The following INCENP variants were observed in gnomAD, a reference collection of about 807,000 sequenced individuals.
INCENP encodes binds and activates aurora-B and -C in vivo and in vitro.
Under a neutral mutation model 107.3 loss-of-function variants are expected in INCENP, and 43 were observed. The observed-to-expected ratio is 0.40, with a 90% CI of 0.31 to 0.52. The LOEUF (loss-of-function observed/expected upper bound fraction) is 0.52, where lower values mean the gene tolerates loss of function less well. Ranked by LOEUF, INCENP falls within the 20% of genes least tolerant of loss-of-function variation. The pLI, the probability that INCENP is intolerant of heterozygous loss-of-function variation, is 0.53. For missense variants in INCENP, 1,089 were observed against 1,250.9 expected (o/e 0.87, Z 1.95); for synonymous variants, 488 against 494.4 (o/e 0.99, Z 0.17).
chr11:62,141,747 AG>A (rs1944128196), intron 11 of INCENP: 2 of 611,396 alleles, frequency 3.3e-6, no homozygotes, highest in South Asian at 1.9e-5. Context: ...GGAGGAAGCA[AG>A]GGGGTGTGGC....
At chr11:62,128,926 C>A in intron 3 of INCENP, 43 bp downstream of exon 3, 1 of 1,310,080 alleles carries the variant, frequency 7.6e-7, no homozygotes, top group Non-Finnish European at 1.1e-6. Context: ...GTGGGCTCTG[C>A]GGAGGCTTGG....
intron 1 of INCENP, among the ~76,000 whole-genome samples, chr11:62,127,122 C>T (rs1943769035): frequency 6.6e-6 from 1 of 151,822 alleles, no homozygotes; most frequent in Non-Finnish European, 1.5e-5. Context: ...CTGCAACCTC[C>T]ACTTCCTTAG....
chr11:62,136,011 G>GTGTTAGCCAGGA (rs1369836233), intron 4 of INCENP, among the ~76,000 whole-genome samples: 1 of 151,740 alleles, frequency 6.6e-6, no homozygotes, highest in Non-Finnish European at 1.5e-5. Flanking sequence ...GGGTTTCACC[G>GTGTTAGCCAGGA]TGGTCTCGAT....
At chr11:62,126,223 T>G (rs1943746632) in intron 1 of INCENP, among the ~76,000 whole-genome samples, 2 of 129,868 alleles carry the variant, frequency 1.5e-5, no homozygotes, top group African/African-American at 3.1e-5. Flanking sequence ...TGAGATAGAG[T>G]CTCCCTCTGT....
intron 4 of INCENP, among the ~76,000 whole-genome samples, chr11:62,134,032 C>T (rs1943942368): frequency 6.6e-6 from 1 of 152,174 alleles, no homozygotes; most frequent in South Asian, 2.1e-4. Context: ...TTTTTCCTGC[C>T]TCATGGCCTT....
chr11:62,142,027 G>C (rs977638637), intron 11 of INCENP, among the ~76,000 whole-genome samples: 1 of 152,198 alleles, frequency 6.6e-6, no homozygotes, highest in South Asian at 2.1e-4. Flanking sequence ...GGGTGGTAGC[G>C]TCTAGAAACA....
At position 62,142,742 on chromosome 11, in the gene INCENP, T is replaced by C. The variant is rs540662964; in HGVS notation, c.1605+1231T>C. ...GTCCCGATTTTGAAGATGGCAGTGC[T>C]GTTTGGACTTTTCCCGGGTGTGTGC... is the stretch of plus-strand genomic sequence containing the variant. On this transcript the variant is annotated intron_variant, in intron 11 of 18. Coordinates refer to ENST00000394818, the MANE Select transcript of INCENP (RefSeq NM_001040694.2). Among the ~76,000 whole-genome samples, 5 of 152,382 alleles carry C rather than the reference T, an allele frequency of 3.3e-5. No homozygotes were observed. In the South Asian group the frequency reaches 1.0e-3, roughly 32 times the overall value.
At chr11:62,145,814 G>A (rs1231379189) in intron 14 of INCENP, 63 bp downstream of exon 14, 20 of 1,502,900 alleles carry the variant, frequency 1.3e-5, no homozygotes, top group Non-Finnish European at 1.8e-5. Flanking sequence ...CAGCACCATG[G>A]GGCCCTACTG....
chr11:62,138,802 A>G (rs746912009), intron 6 of INCENP, 32 bp downstream of exon 6: 1 of 1,611,500 alleles, frequency 6.2e-7, no homozygotes, highest in Non-Finnish European at 8.5e-7. Context: ...GGGAGGACTC[A>G]CCTCTGGGGC....
At chr11:62,144,411 C>G (rs1017951645) in intron 11 of INCENP, among the ~76,000 whole-genome samples, 4 of 151,930 alleles carry the variant, frequency 2.6e-5, no homozygotes, top group Admixed American at 2.6e-4. Context: ...TAATACCATC[C>G]CTAATCCATC....
chr11:62,125,857 G>A (rs1208269457), intron 1 of INCENP, among the ~76,000 whole-genome samples: 2 of 152,250 alleles, frequency 1.3e-5, no homozygotes, highest in East Asian at 1.9e-4. Flanking sequence ...GGCAGGGACA[G>A]GCAGTAAGCA....
rs377419513 is a variant in INCENP at position 62,140,962 on chromosome 11, T to A, written c.1511T>A (p.Met504Lys). The A allele has an allele frequency of 1.2e-6, 2 of 1,614,112 alleles. No individual in the cohort carries two copies. Among genetic ancestry groups the A allele is most frequent in the South Asian group, 2.2e-5 (2 of 91,090 alleles). Reference protein sequence around the residue: ...TFLHTVQRNQMLMTPTSAPRS... With the variant: ...TFLHTVQRNQKLMTPTSAPRS... ...CTGCACACAGTGCAGAGGAACCAGATGCTCATGACCCCGACCTCAGCCCCA... is the reference window on the plus strand; with the variant it reads ...CTGCACACAGTGCAGAGGAACCAGAAGCTCATGACCCCGACCTCAGCCCCA... The change falls in exon 10 of 19, where the codon ATG (methionine) becomes AAG (lysine). Residue 504 changes from methionine (M) to lysine (K), a missense_variant. By Grantham distance (95) the Met-to-Lys change is moderately conservative. Coordinates refer to ENST00000394818, the MANE Select transcript of INCENP (RefSeq NM_001040694.2).
intron 4 of INCENP, among the ~76,000 whole-genome samples, chr11:62,134,687 T>A (rs1456778658): frequency 2.0e-5 from 3 of 152,250 alleles, no homozygotes; most frequent in Admixed American, 6.5e-5. Context: ...CAAATCTCTT[T>A]ATTGTATGAC....
Position 62,128,239 on chromosome 11 carries a change from G to A in INCENP, c.78G>A (p.Met26Ile), listed in dbSNP as rs1268531022. 1.2e-6 allele frequency: 2 copies of A among 1,614,190 alleles called. No homozygotes were observed. Among genetic ancestry groups the A allele is most frequent in the South Asian group, 2.2e-5 (2 of 91,086 alleles). ...AGCTCATGGAGTTTCTCTGCAACAT[G>A]GATAATAAGGACTTGGTGTGGCTTG... The part of the protein sequence containing the change: ...DQKLMEFLCN[M>I]DNKDLVWLEE... The change falls in exon 2 of 19, where the codon ATG becomes ATA. Residue 26 changes from methionine (M) to isoleucine (I), a missense_variant. Coordinates refer to ENST00000394818, the MANE Select transcript of INCENP (RefSeq NM_001040694.2).
chr11:62,137,975 G>A (rs543035215), intron 5 of INCENP, 92 bp downstream of exon 5: 2 of 1,179,678 alleles, frequency 1.7e-6, no homozygotes, highest in South Asian at 2.4e-5. Context: ...TTCCTGGGCT[G>A]AGTCTTCCCC....
intron 4 of INCENP, among the ~76,000 whole-genome samples, chr11:62,133,663 C>T (rs1666600621): frequency 6.6e-6 from 1 of 152,208 alleles, no homozygotes; most frequent in South Asian, 2.1e-4. Flanking sequence ...GGTGGGAGAG[C>T]CATGTAGTCA....
At chr11:62,136,542 G>A (rs961353935) in intron 4 of INCENP, among the ~76,000 whole-genome samples, 4 of 152,150 alleles carry the variant, frequency 2.6e-5, no homozygotes, top group African/African-American at 9.7e-5. Flanking sequence ...TTAGCTGGGT[G>A]TGATGGTACA....
In INCENP at chr11:62,130,496, T is replaced by C; in HGVS notation, c.969T>C (p.Ser323=). ...PSPQVLAQKY[S]LVAKQESVVR... ...CCCAAGTCTTAGCCCAGAAGTACTC[T>C]CTGGTGGCCAAACAGGAAAGTGTTG... Residue 323 remains serine, a synonymous_variant, in exon 4 of 19, where the codon TCT becomes TCC. Transcript: ENST00000394818. The C allele has an allele frequency of 1.2e-6, 2 of 1,614,082 alleles. No individual in the cohort carries two copies. Among genetic ancestry groups the C allele is most frequent in the Non-Finnish European group, 8.5e-7 (1 of 1,180,024 alleles).
rs1385577427 is a variant in INCENP at position 62,146,699 on chromosome 11, G to A, written c.2001G>A (p.Lys667=). Reference sequence around the variant, plus strand: ...GGCACCAAGAGCTGCTGCAGAAGAAGAAGGAAGAGGAGCAGGAGCGGCTGC... The same window carrying A: ...GGCACCAAGAGCTGCTGCAGAAGAAAAAGGAAGAGGAGCAGGAGCGGCTGC... The part of the protein sequence containing the change: ...ERRHQELLQK[K]KEEEQERLRK... Residue 667 remains lysine, a synonymous_variant, in exon 15 of 19, where the codon AAG becomes AAA. Coordinates refer to ENST00000394818, the MANE Select transcript of INCENP (RefSeq NM_001040694.2). 1.3e-6 allele frequency: 2 copies of A among 1,551,108 alleles called. No homozygotes were observed. The highest frequency in any genetic ancestry group is 2.4e-5 in the East Asian group (1 of 40,922).
Sources: gnomAD v4.1 joint callset for allele counts (sites outside exome capture counted in the v4.1 genomes callset) on GRCh38, gnomAD v4.1.1 for gene constraint, MANE v1.5 for transcripts, NCBI Gene and HGNC (gene_info 2026-07-23, HGNC 2026-07-21) for gene names.